SETD3: variants seen among roughly 807,000 people sequenced by gnomAD.
The protein encoded by SETD3 is SET domain containing 3, actin N3(tau)-histidine methyltransferase.
SETD3 carries 19 observed loss-of-function variants against 63.0 expected under a neutral mutation model. The ratio of observed to expected loss-of-function variants is 0.30; its 90% CI spans 0.21 to 0.44. SETD3 has a LOEUF of 0.44. SETD3 is among the 20% of genes least tolerant of loss of function. The pLI is 1.00. For missense variants in SETD3, 587 were observed against 728.5 expected (o/e 0.81, Z 2.24); for synonymous variants, 286 against 264.1 (o/e 1.08, Z -0.80).
chr14:99,443,376 T>C (rs1162100104), intron 6 of SETD3, among the ~76,000 whole-genome samples: 1 of 151,454 alleles, frequency 6.6e-6, no homozygotes, highest in Non-Finnish European at 1.5e-5. Context: ...CTCAGCCTCT[T>C]GAGTAGCTGG....
rs8022919 is a variant in SETD3 at position 99,456,201 on chromosome 14, G to A, written c.675+2078C>T. Among the ~76,000 whole-genome samples the A allele has an allele frequency of 2.4e-3, 364 of 152,104 alleles. 7 individuals carry two copies. Among genetic ancestry groups the A allele is most frequent in the Non-Finnish European group, 3.7e-4 (25 of 67,984 alleles). Reference sequence around the variant, plus strand: ...ATATAAAATAAAAGAACTTATATGTGTGACCAGACACATTTTGCTCTTCTC... The same window carrying A: ...ATATAAAATAAAAGAACTTATATGTATGACCAGACACATTTTGCTCTTCTC... On this transcript the variant is annotated intron_variant, in intron 6 of 12. Transcript: ENST00000331768.
chr14:99,447,794 G>A (rs901692904), intron 6 of SETD3, among the ~76,000 whole-genome samples: 2 of 152,112 alleles, frequency 1.3e-5, no homozygotes, highest in African/African-American at 2.4e-5. Flanking sequence ...TAGCTTGGGG[G>A]AAAAAAAGCA....
At chr14:99,473,300 G>A (rs1420596434) in intron 1 of SETD3, among the ~76,000 whole-genome samples, 1 of 152,224 alleles carries the variant, frequency 6.6e-6, no homozygotes, top group Non-Finnish European at 1.5e-5. Context: ...GGCAGTGGGA[G>A]CGGAGGTGGG....
At chr14:99,406,457 G>A (rs548668340) in intron 9 of SETD3, 59 bp downstream of exon 9, 25 of 1,420,264 alleles carry the variant, frequency 1.8e-5, no homozygotes, top group South Asian at 9.2e-5. Context: ...TTACCAACAC[G>A]GTGTTAACGT....
intron 6 of SETD3, among the ~76,000 whole-genome samples, chr14:99,447,459 T>C (rs567609997): frequency 6.6e-6 from 1 of 152,388 alleles, no homozygotes; most frequent in South Asian, 2.1e-4. Context: ...ATGGAAATGA[T>C]GAAAATGAGA....
chr14:99,415,661 T>C (rs930651464), intron 6 of SETD3, among the ~76,000 whole-genome samples: 1 of 152,102 alleles, frequency 6.6e-6, no homozygotes, highest in African/African-American at 2.4e-5. Flanking sequence ...TTGAAGATCA[T>C]TTTGGCTGCA....
chr14:99,478,931 C>A (rs1266398930), intron 1 of SETD3, among the ~76,000 whole-genome samples: 1 of 152,202 alleles, frequency 6.6e-6, no homozygotes, highest in African/African-American at 2.4e-5. Flanking sequence ...GCTTAATTAT[C>A]ATTTAAAATG....
intron 1 of SETD3, among the ~76,000 whole-genome samples, 162 bp downstream of exon 1, chr14:99,480,566 C>A (rs1179103088): frequency 6.6e-6 from 1 of 150,796 alleles, no homozygotes; most frequent in African/African-American, 2.4e-5. Flanking sequence ...CCCCTTCAAG[C>A]CCCGGGGCCA....
At chr14:99,423,645 C>CTATTTCTCCA (rs1024831209) in intron 6 of SETD3, among the ~76,000 whole-genome samples, 2 of 118,872 alleles carry the variant, frequency 1.7e-5, no homozygotes, top group African/African-American at 6.1e-5. Flanking sequence ...TCAGTACTTG[C>CTATTTCTCCA]TATTTCTCCA....
chr14:99,465,409 C>T (rs1310500500), intron 2 of SETD3, among the ~76,000 whole-genome samples: 1 of 152,174 alleles, frequency 6.6e-6, no homozygotes, highest in Non-Finnish European at 1.5e-5. Context: ...AGCAGTAGAG[C>T]TTCTTCTCGC....
intron 6 of SETD3, among the ~76,000 whole-genome samples, chr14:99,438,599 CAGTT>C (rs1484797999): frequency 2.0e-5 from 3 of 152,200 alleles, no homozygotes; most frequent in Non-Finnish European, 4.4e-5. Flanking sequence ...TCTTCACATC[CAGTT>C]TGTCACCAGA....
At chr14:99,451,423 G>A (rs887445488) in intron 6 of SETD3, among the ~76,000 whole-genome samples, 2 of 152,186 alleles carry the variant, frequency 1.3e-5, no homozygotes, top group African/African-American at 4.8e-5. Context: ...TTAGCTTCTG[G>A]AGTTTGGGTG....
chr14:99,440,624 T>G (rs949083038), intron 6 of SETD3, among the ~76,000 whole-genome samples: 1 of 151,496 alleles, frequency 6.6e-6, no homozygotes, highest in Non-Finnish European at 1.5e-5. Flanking sequence ...TGGGAGCTTG[T>G]GCGTTTAAAG....
At chr14:99,399,953 G>A in intron 12 of SETD3, 146 bp downstream of exon 12, 1 of 607,484 alleles carries the variant, frequency 1.6e-6, no homozygotes, top group Non-Finnish European at 2.8e-6. Context: ...TGTTGGCCAG[G>A]CTGGTCTTGA....
At chr14:99,438,952 TA>T (rs1411760838) in intron 6 of SETD3, among the ~76,000 whole-genome samples, 1 of 152,242 alleles carries the variant, frequency 6.6e-6, no homozygotes, top group Non-Finnish European at 1.5e-5. Flanking sequence ...TGATTGTACT[TA>T]AAAAACATAT....
At chr14:99,453,428 C>T (rs1464272945) in intron 6 of SETD3, among the ~76,000 whole-genome samples, 1 of 152,168 alleles carries the variant, frequency 6.6e-6, no homozygotes, top group African/African-American at 2.4e-5. Context: ...CATTCAAAAG[C>T]TCTTAGCCCA....
chr14:99,455,414 T>C (rs1191072605), intron 6 of SETD3, among the ~76,000 whole-genome samples: 1 of 152,270 alleles, frequency 6.6e-6, no homozygotes, highest in Non-Finnish European at 1.5e-5. Flanking sequence ...TTTGTTCCCC[T>C]GTATTTGTAT....
At chr14:99,437,217 A>T (rs1019946425) in intron 6 of SETD3, among the ~76,000 whole-genome samples, 6 of 152,158 alleles carry the variant, frequency 3.9e-5, no homozygotes, top group Non-Finnish European at 8.8e-5. Context: ...CATTGAGTAA[A>T]GTGCTACCTC....
chr14:99,420,918 T>C (rs989499431), intron 6 of SETD3, among the ~76,000 whole-genome samples: 1 of 105,218 alleles, frequency 9.5e-6, no homozygotes, highest in Non-Finnish European at 1.8e-5. Context: ...TGTGCTGCCA[T>C]TTCCTCACTG....
Sources: gnomAD v4.1 joint callset for allele counts (sites outside exome capture counted in the v4.1 genomes callset) on GRCh38, gnomAD v4.1.1 for gene constraint, MANE v1.5 for transcripts, NCBI Gene and HGNC (gene_info 2026-07-23, HGNC 2026-07-21) for gene names.